TNR: variants seen among roughly 807,000 people sequenced by gnomAD.
TNR encodes the protein tenascin R, also known as tenascin-R.
A neutral mutation model predicts 150.4 loss-of-function variants in TNR; 45 were observed. The observed-to-expected ratio is 0.30, with a 90% CI of 0.24 to 0.38. The LOEUF is 0.38. TNR is among the 10% of genes least tolerant of loss of function. The probability of loss-of-function intolerance (pLI) is 1.00; values close to 1 mark genes in which losing one functional copy is unlikely to be tolerated. For synonymous variants in TNR, 687 were observed against 678.4 expected, an observed-to-expected ratio of 1.01 and a Z score of -0.20; for missense variants, 1,544 against 1,759.1, an observed-to-expected ratio of 0.88 and a Z score of 2.19.
chr1:175,642,529 C>T (rs1489313500), intron 1 of TNR, among the ~76,000 whole-genome samples: 2 of 152,148 alleles, frequency 1.3e-5, no homozygotes, highest in Non-Finnish European at 2.9e-5. Context: ...GTCAACCTTG[C>T]AGTGCAGTAG....
intron 2 of TNR, among the ~76,000 whole-genome samples, chr1:175,500,895 G>T (rs901757889): frequency 1.3e-5 from 2 of 152,260 alleles, no homozygotes; most frequent in South Asian, 4.2e-4. Flanking sequence ...GTCCTAATGG[G>T]CAAGGAAGAA....
intron 1 of TNR, among the ~76,000 whole-genome samples, chr1:175,611,121 C>T (rs1571673707): frequency 6.6e-6 from 1 of 152,112 alleles, no homozygotes; most frequent in East Asian, 1.9e-4. Flanking sequence ...ATATATTCTT[C>T]AAAAACCTTA....
At chr1:175,415,159 T>G (rs540737632) in intron 2 of TNR, among the ~76,000 whole-genome samples, 3,865 of 150,104 alleles carry the variant, frequency 0.026, 144 homozygotes, top group African/African-American at 0.089. Context: ...TTTTTTTTTT[T>G]TTGTTAGAAT....
intron 1 of TNR, among the ~76,000 whole-genome samples, chr1:175,701,755 G>A (rs111400452): frequency 2.0e-5 from 3 of 152,352 alleles, no homozygotes; most frequent in Non-Finnish European, 2.9e-5. Context: ...CCACTCCAGA[G>A]AGTTGGAGGA....
At chr1:175,440,894 A>T (rs1655756628) in intron 2 of TNR, among the ~76,000 whole-genome samples, 1 of 152,182 alleles carries the variant, frequency 6.6e-6, no homozygotes. Flanking sequence ...AGTAGGAGAG[A>T]GGGGATAAGA....
intron 2 of TNR, among the ~76,000 whole-genome samples, chr1:175,455,683 C>T (rs1313298473): frequency 1.3e-5 from 2 of 152,148 alleles, no homozygotes; most frequent in Non-Finnish European, 2.9e-5. Flanking sequence ...TTGGAGTTCA[C>T]CAGCAGACAA....
intron 1 of TNR, among the ~76,000 whole-genome samples, chr1:175,627,815 G>C (rs891209167): frequency 3.3e-5 from 5 of 152,138 alleles, no homozygotes; most frequent in African/African-American, 1.2e-4. Flanking sequence ...TTTCCTATTG[G>C]AGAGAGCTCA....
chr1:175,620,850 G>A (rs1267220256), intron 1 of TNR, among the ~76,000 whole-genome samples: 1 of 152,064 alleles, frequency 6.6e-6, no homozygotes, highest in Non-Finnish European at 1.5e-5. Context: ...AAAAAAGAGA[G>A]AGAGAAGCTT....
At chr1:175,457,902 T>A (rs1656635301) in intron 2 of TNR, among the ~76,000 whole-genome samples, 1 of 152,240 alleles carries the variant, frequency 6.6e-6, no homozygotes, top group South Asian at 2.1e-4. Context: ...ATTGATATCA[T>A]AAAAGCCATG....
At chr1:175,439,532 A>C (rs1162805475) in intron 2 of TNR, among the ~76,000 whole-genome samples, 6 of 152,288 alleles carry the variant, frequency 3.9e-5, no homozygotes, top group African/African-American at 9.6e-5. Context: ...AATGGGATCT[A>C]ATTAAACTAA....
chr1:175,722,814 CAG>C (rs1182130713), intron 1 of TNR, among the ~76,000 whole-genome samples: 1 of 150,234 alleles, frequency 6.7e-6, no homozygotes, highest in East Asian at 2.0e-4. Context: ...GCCCCCGAGA[CAG>C]AGTCTTACTC....
chr1:175,508,518 G>T (rs372194400), intron 2 of TNR, among the ~76,000 whole-genome samples: 9 of 152,310 alleles, frequency 5.9e-5, no homozygotes, highest in African/African-American at 2.2e-4. Context: ...TTAAGACTGG[G>T]TTATAAAAAG....
intron 2 of TNR, among the ~76,000 whole-genome samples, chr1:175,424,993 G>T (rs1341680864): frequency 6.6e-6 from 1 of 152,108 alleles, no homozygotes; most frequent in African/African-American, 2.4e-5. Context: ...GCCTGGGGAG[G>T]ATGGGTTCTT....
chr1:175,741,534 C>T (rs1197373544), intron 1 of TNR, among the ~76,000 whole-genome samples: 1 of 152,184 alleles, frequency 6.6e-6, no homozygotes, highest in Non-Finnish European at 1.5e-5. Flanking sequence ...TGTTAAAATA[C>T]TGAATGAGTC....
chr1:175,541,253 A>G (rs1660490478), intron 1 of TNR, among the ~76,000 whole-genome samples: 1 of 152,244 alleles, frequency 6.6e-6, no homozygotes, highest in African/African-American at 2.4e-5. Context: ...GCATATCCTC[A>G]GCACCCAGCT....
chr1:175,489,703 TAATAACATTTGCCATTC>T (rs1658163749), intron 2 of TNR, among the ~76,000 whole-genome samples: 1 of 152,240 alleles, frequency 6.6e-6, no homozygotes. Context: ...GCTTGGTGTT[TAATAACATTTGCCATTC>T]AGAGTCTGAT....
chr1:175,491,227 T>C (rs1179322111), intron 2 of TNR, among the ~76,000 whole-genome samples: 4 of 151,856 alleles, frequency 2.6e-5, no homozygotes, highest in Non-Finnish European at 5.9e-5. Context: ...AGAGGGGAGC[T>C]TGGGGGAGGG....
At chr1:175,438,334 C>T (rs981962271) in intron 2 of TNR, among the ~76,000 whole-genome samples, 34 of 152,318 alleles carry the variant, frequency 2.2e-4, no homozygotes, top group African/African-American at 7.7e-4. Flanking sequence ...AACAACCCTT[C>T]GTGCTAAAAA....
Position 175,318,199 on chromosome 1 carries a change from C to T in TNR, c.*5158G>A, listed in dbSNP as rs972105640. The T allele has an allele frequency of 6.6e-6, 1 of 152,238 alleles. No individual in the cohort carries two copies. The highest frequency in any genetic ancestry group is 1.5e-5 in the Non-Finnish European group (1 of 68,052). 9.4% of individuals were successfully genotyped at this position (152,238 alleles called of 1,614,324 possible). A position where few individuals can be genotyped will look rare whatever the true frequency, so the allele number is the denominator to read the frequency against. On this transcript the variant is annotated 3_prime_UTR_variant, in exon 23 of 23. Coordinates refer to ENST00000367674, the MANE Select transcript of TNR (RefSeq NM_003285.3). ...GAATGGCAGAAGCTCTGGTGGGAGG[C>T]TGGAGGCCAGAACGTGAGAAGCCAA...
Sources: gnomAD v4.1 joint callset for allele counts (sites outside exome capture counted in the v4.1 genomes callset) on GRCh38, gnomAD v4.1.1 for gene constraint, MANE v1.5 for transcripts, NCBI Gene and HGNC (gene_info 2026-07-23, HGNC 2026-07-21) for gene names.